CACNB2: variants seen among roughly 807,000 people sequenced by gnomAD.
CACNB2 encodes the protein calcium voltage-gated channel auxiliary subunit beta 2.
In CACNB2, 42 loss-of-function variants were observed where a neutral mutation model predicts 73.3. That is an observed-to-expected ratio of 0.57 (90% CI 0.45 to 0.74). The LOEUF (loss-of-function observed/expected upper bound fraction) is 0.74. Among genes scored for constraint, CACNB2 ranks in the 30% least tolerant of loss-of-function variants. The pLI, the probability that CACNB2 is intolerant of heterozygous loss-of-function variation, is 0.00. For synonymous variants in CACNB2, 348 were observed against 310.3 expected, an observed-to-expected ratio of 1.12 and a Z score of -1.28; for missense variants, 940 against 853.0, an observed-to-expected ratio of 1.10 and a Z score of -1.27.
At chr10:18,440,857 C>A (rs1176225521) in intron 3 of CACNB2, among the ~76,000 whole-genome samples, 1 of 152,156 alleles carries the variant, frequency 6.6e-6, no homozygotes, top group Non-Finnish European at 1.5e-5. Flanking sequence ...CACACAGGGA[C>A]TTGCAGGCCA....
chr10:18,142,537 G>A (rs999338103), intron 1 of CACNB2, among the ~76,000 whole-genome samples: 7 of 152,164 alleles, frequency 4.6e-5, no homozygotes, highest in Non-Finnish European at 8.8e-5. Context: ...CAGTATTCGA[G>A]TCCTCCATCA....
chr10:18,496,746 G>A (rs559810501), intron 3 of CACNB2, among the ~76,000 whole-genome samples: 8 of 146,602 alleles, frequency 5.5e-5, no homozygotes, highest in East Asian at 4.0e-4. Context: ...TGCAGGAGGC[G>A]GAGGTTGCAA....
At chr10:18,222,130 C>G (rs1318676984) in intron 2 of CACNB2, among the ~76,000 whole-genome samples, 1 of 152,178 alleles carries the variant, frequency 6.6e-6, no homozygotes, top group East Asian at 1.9e-4. Context: ...TGTGACGTGT[C>G]CTGCCACATT....
intron 3 of CACNB2, among the ~76,000 whole-genome samples, chr10:18,416,480 G>C (rs573353625): frequency 1.3e-5 from 2 of 152,084 alleles, no homozygotes; most frequent in African/African-American, 4.8e-5. Context: ...GCATTGGCAC[G>C]ATCTCAGCTC....
intron 2 of CACNB2, among the ~76,000 whole-genome samples, chr10:18,230,640 A>G (rs2036189270): frequency 6.6e-6 from 1 of 152,206 alleles, no homozygotes; most frequent in South Asian, 2.1e-4. Flanking sequence ...TGATTACTGA[A>G]GTAAAATATG....
In CACNB2 at chr10:18,310,671, C is replaced by A. The variant is rs376664630; in HGVS notation, c.214-91253C>A. On this transcript the variant is annotated intron_variant, in intron 2 of 13. Coordinates refer to ENST00000324631, the MANE Select transcript of CACNB2 (RefSeq NM_201596.3). ...ATTATAAAGAAAAGAAACCCACCCA[C>A]TGGGTTCGAGCAATTCTCCTGCCTC... 2.1e-3 allele frequency among the ~76,000 whole-genome samples: 314 copies of A among 148,432 alleles called. 5 individuals are homozygous for A. Among genetic ancestry groups the A allele is most frequent in the South Asian group, 0.02 (91 of 4,602 alleles).
At chr10:18,516,430 A>G (rs1306470137) in intron 7 of CACNB2, among the ~76,000 whole-genome samples, 3 of 152,190 alleles carry the variant, frequency 2.0e-5, no homozygotes, top group Admixed American at 6.5e-5. Context: ...CCAAAGACCT[A>G]TCAAACACTG....
intron 2 of CACNB2, among the ~76,000 whole-genome samples, chr10:18,184,868 C>T (rs929473932): frequency 2.0e-5 from 3 of 152,012 alleles, no homozygotes; most frequent in African/African-American, 7.3e-5. Flanking sequence ...TTTCCTGATG[C>T]TCTCTCTGTT....
chr10:18,202,990 G>C (rs2034948477), intron 2 of CACNB2, among the ~76,000 whole-genome samples: 1 of 152,174 alleles, frequency 6.6e-6, no homozygotes, highest in Non-Finnish European at 1.5e-5. Context: ...CATTAAGCGA[G>C]CCATCACTGA....
At chr10:18,362,457 TC>T (rs2042181489) in intron 2 of CACNB2, among the ~76,000 whole-genome samples, 1 of 152,158 alleles carries the variant, frequency 6.6e-6, no homozygotes, top group African/African-American at 2.4e-5. Flanking sequence ...CTTGTTTTTT[TC>T]CCCCAAGTGA....
In CACNB2 at chr10:18,451,744, T is replaced by A. The variant is rs114323533; in HGVS notation, c.334-46611T>A. On this transcript the variant is annotated intron_variant, in intron 3 of 13. Transcript: ENST00000324631. ...CTGGGGTATGTCTTATGCTCACCCA[T>A]CACGTAGTTCGTTATCACCACTACA... Among the ~76,000 whole-genome samples, 965 of 152,288 alleles carry A rather than the reference T, an allele frequency of 6.3e-3. 13 individuals are homozygous for A. The highest frequency in any genetic ancestry group is 0.022 in the African/African-American group (913 of 41,560).
intron 2 of CACNB2, among the ~76,000 whole-genome samples, chr10:18,332,408 G>A (rs1165136139): frequency 6.6e-6 from 1 of 152,086 alleles, no homozygotes; most frequent in Non-Finnish European, 1.5e-5. Flanking sequence ...AGCTCTTTCG[G>A]GGACACAGAA....
At chr10:18,228,214 A>G (rs961010843) in intron 2 of CACNB2, among the ~76,000 whole-genome samples, 4 of 152,140 alleles carry the variant, frequency 2.6e-5, no homozygotes, top group African/African-American at 9.7e-5. Context: ...ACCTAAGGCC[A>G]GGAGTTCGAG....
intron 2 of CACNB2, among the ~76,000 whole-genome samples, chr10:18,274,839 A>T (rs958270364): frequency 6.6e-6 from 1 of 152,224 alleles, no homozygotes; most frequent in African/African-American, 2.4e-5. Context: ...CTTCAAAGGG[A>T]AAAACCATCA....
chr10:18,265,876 C>A (rs1361698127), intron 2 of CACNB2, among the ~76,000 whole-genome samples: 2 of 152,052 alleles, frequency 1.3e-5, no homozygotes, highest in African/African-American at 4.8e-5. Context: ...TTGGTTGCTG[C>A]CTGTGTTAGT....
At chr10:18,233,685 T>C (rs1441860505) in intron 2 of CACNB2, among the ~76,000 whole-genome samples, 1 of 152,132 alleles carries the variant, frequency 6.6e-6, no homozygotes, top group Admixed American at 6.5e-5. Flanking sequence ...AGGTAGGTAT[T>C]GTGCTGGGTG....
At chr10:18,481,236 T>A (rs1245316551) in intron 3 of CACNB2, among the ~76,000 whole-genome samples, 164 of 46,494 alleles carry the variant, frequency 3.5e-3, no homozygotes, top group East Asian at 9.4e-3. Context: ...ATATATTTTT[T>A]TTTTTTTTTT....
At chr10:18,240,527 CT>C (rs1024256968) in intron 2 of CACNB2, among the ~76,000 whole-genome samples, 2 of 152,176 alleles carry the variant, frequency 1.3e-5, no homozygotes, top group African/African-American at 4.8e-5. Flanking sequence ...ACAAATCCAA[CT>C]TCTTTCTTGA....
intron 2 of CACNB2, among the ~76,000 whole-genome samples, chr10:18,376,806 A>C (rs1358626005): frequency 6.6e-6 from 1 of 152,114 alleles, no homozygotes; most frequent in South Asian, 2.1e-4. Context: ...CCGGTCAGGG[A>C]GGAGTTTGGA....
Sources: gnomAD v4.1 joint callset for allele counts (sites outside exome capture counted in the v4.1 genomes callset) on GRCh38, gnomAD v4.1.1 for gene constraint, MANE v1.5 for transcripts, NCBI Gene and HGNC (gene_info 2026-07-23, HGNC 2026-07-21) for gene names.